Variants in ROBO2 observed in about 807,000 individuals in gnomAD.
ROBO2 encodes the protein roundabout guidance receptor 2.
Under a neutral mutation model 160.8 loss-of-function variants are expected in ROBO2, and 53 were observed. The ratio of observed to expected loss-of-function variants is 0.33; its 90% CI spans 0.26 to 0.41. The LOEUF is 0.41. Ranked by LOEUF, ROBO2 falls within the 10% of genes least tolerant of loss-of-function variation. ROBO2 has a pLI of 1.00. For synonymous variants in ROBO2, 664 were observed against 611.7 expected (o/e 1.09, Z -1.26); for missense variants, 1,577 against 1,722.4 (o/e 0.92, Z 1.49).
intron 2 of ROBO2, among the ~76,000 whole-genome samples, chr3:76,961,363 A>T (rs1271449564): frequency 6.7e-6 from 1 of 149,458 alleles, no homozygotes; most frequent in Non-Finnish European, 1.5e-5. Context: ...GAAAATTTTC[A>T]TTTTTTTTTC....
At chr3:77,066,725 G>T (rs568217944) in intron 1 of ROBO2, among the ~76,000 whole-genome samples, 1 of 152,066 alleles carries the variant, frequency 6.6e-6, no homozygotes, top group African/African-American at 2.4e-5. Flanking sequence ...AACACTTTTT[G>T]ATAGTACAAG....
chr3:76,409,433 A>G (rs1464640280), intron 2 of ROBO2, among the ~76,000 whole-genome samples: 2 of 152,100 alleles, frequency 1.3e-5, no homozygotes, highest in Non-Finnish European at 2.9e-5. Flanking sequence ...TTATTCCAAA[A>G]TGGCTCCCTC....
intron 2 of ROBO2, among the ~76,000 whole-genome samples, chr3:76,382,032 T>G (rs1236320493): frequency 6.6e-6 from 1 of 152,142 alleles, no homozygotes; most frequent in Non-Finnish European, 1.5e-5. Context: ...CAGGCTGCAG[T>G]GTACTCATGG....
At chr3:77,180,416 C>CTCTATATATATATATA (rs1433740534) in intron 2 of ROBO2, among the ~76,000 whole-genome samples, 169 of 90,702 alleles carry the variant, frequency 1.9e-3, no homozygotes, top group African/African-American at 2.2e-3. Flanking sequence ...CTCTCTCTCT[C>CTCTATATATATATATA]TATATATATA....
At chr3:77,272,420 G>A (rs1054214400) in intron 2 of ROBO2, among the ~76,000 whole-genome samples, 34 of 152,134 alleles carry the variant, frequency 2.2e-4, no homozygotes, top group African/African-American at 7.5e-4. Flanking sequence ...GAAGGGCGGG[G>A]GGGAGGTGTC....
At chr3:76,528,665 G>C (rs1339312453) in intron 2 of ROBO2, among the ~76,000 whole-genome samples, 1 of 151,996 alleles carries the variant, frequency 6.6e-6, no homozygotes, top group Non-Finnish European at 1.5e-5. Flanking sequence ...TGGAGTTCAA[G>C]AGACAGGTTA....
chr3:77,481,244 A>T, intron 4 of ROBO2, 25 bp downstream of exon 4: 1 of 1,487,584 alleles, frequency 6.7e-7, no homozygotes, highest in Non-Finnish European at 8.9e-7. Context: ...TAAATTATAA[A>T]TTTTTATTTT....
At chr3:76,567,399 T>G (rs1368238848) in intron 2 of ROBO2, among the ~76,000 whole-genome samples, 1 of 151,862 alleles carries the variant, frequency 6.6e-6, no homozygotes, top group African/African-American at 2.4e-5. Flanking sequence ...TGTATCTTAT[T>G]TTGGAAATGT....
chr3:76,284,924 A>C (rs1708433388), intron 2 of ROBO2, among the ~76,000 whole-genome samples: 1 of 152,220 alleles, frequency 6.6e-6, no homozygotes, highest in South Asian at 2.1e-4. Flanking sequence ...CATTGGTGAA[A>C]CTGACCTTTT....
At chr3:76,376,887 G>A (rs139938782) in intron 2 of ROBO2, among the ~76,000 whole-genome samples, 1 of 152,072 alleles carries the variant, frequency 6.6e-6, no homozygotes, top group Non-Finnish European at 1.5e-5. Flanking sequence ...CGGTTCCAGG[G>A]TTTAGGTTCT....
intron 2 of ROBO2, among the ~76,000 whole-genome samples, chr3:76,525,249 A>T (rs2081888008): frequency 6.6e-6 from 1 of 151,960 alleles, no homozygotes; most frequent in Non-Finnish European, 1.5e-5. Flanking sequence ...AGAATAAAAA[A>T]TAATTGAAAT....
At chr3:77,639,101 A>G (rs2095310785) in intron 24 of ROBO2, among the ~76,000 whole-genome samples, 1 of 151,994 alleles carries the variant, frequency 6.6e-6, no homozygotes, top group Admixed American at 6.6e-5. Flanking sequence ...AAGTGCCAGG[A>G]TTATAGGCAT....
chr3:77,336,832 T>C (rs2066547312), intron 2 of ROBO2, among the ~76,000 whole-genome samples: 1 of 152,190 alleles, frequency 6.6e-6, no homozygotes, highest in African/African-American at 2.4e-5. Context: ...AGCTTCTATT[T>C]TGTGATGCTG....
intron 2 of ROBO2, among the ~76,000 whole-genome samples, chr3:76,703,966 G>A (rs539239532): frequency 2.6e-5 from 4 of 151,896 alleles, no homozygotes; most frequent in African/African-American, 9.7e-5. Context: ...TTAATCAACA[G>A]TAGTTCAAAT....
intron 2 of ROBO2, among the ~76,000 whole-genome samples, chr3:77,326,925 A>G (rs1037984984): frequency 2.0e-5 from 3 of 152,162 alleles, no homozygotes; most frequent in Non-Finnish European, 4.4e-5. Context: ...TGCTTTAATA[A>G]CACTTTACTC....
At chr3:76,577,772 C>A (rs1322635682) in intron 2 of ROBO2, among the ~76,000 whole-genome samples, 1 of 152,076 alleles carries the variant, frequency 6.6e-6, no homozygotes, top group Non-Finnish European at 1.5e-5. Flanking sequence ...TTATCATAAT[C>A]CCTATATAAG....
intron 2 of ROBO2, among the ~76,000 whole-genome samples, chr3:76,413,964 C>G (rs2075624776): frequency 1.3e-5 from 2 of 152,170 alleles, no homozygotes; most frequent in African/African-American, 4.8e-5. Context: ...ACTTACAGTT[C>G]CACATGGCTG....
chr3:77,450,634 G>C, intron 2 of ROBO2, among the ~76,000 whole-genome samples: 1 of 152,022 alleles, frequency 6.6e-6, no homozygotes, highest in East Asian at 1.9e-4. Flanking sequence ...AATATTATTT[G>C]TGGATACTTA....
At chr3:76,475,552 A>T (rs1014938092) in intron 2 of ROBO2, among the ~76,000 whole-genome samples, 39 of 152,030 alleles carry the variant, frequency 2.6e-4, no homozygotes, top group Non-Finnish European at 1.8e-4. Context: ...TTTCCTCATT[A>T]AAAAAAATTT....
Sources: allele counts gnomAD v4.1 joint callset (sites outside exome capture counted in the v4.1 genomes callset), GRCh38; gene constraint gnomAD v4.1.1; transcripts MANE v1.5; gene names NCBI Gene and HGNC (gene_info 2026-07-23, HGNC 2026-07-21).